The following THOC5 variants were observed in gnomAD, a reference collection of about 807,000 sequenced individuals.
THOC5 encodes Fms-interacting protein.
In THOC5, 43 loss-of-function variants were observed where a neutral mutation model predicts 92.9. The observed-to-expected ratio is 0.46, with a 90% confidence interval of 0.36 to 0.60. The LOEUF (loss-of-function observed/expected upper bound fraction) is 0.60. Ranked by LOEUF, THOC5 falls within the 20% of genes least tolerant of loss-of-function variation. The probability of loss-of-function intolerance (pLI) is 0.00; values close to 1 mark genes in which losing one functional copy is unlikely to be tolerated. For synonymous variants in THOC5, 296 were observed against 320.1 expected (o/e 0.92, Z 0.80); for missense variants, 659 against 849.4 (o/e 0.78, Z 2.79).
intron 2 of THOC5, among the ~76,000 whole-genome samples, chr22:29,546,753 C>T (rs1193072224): frequency 1.3e-5 from 2 of 151,370 alleles, no homozygotes; most frequent in Non-Finnish European, 3.0e-5. Context: ...TTTTTCTTTT[C>T]TACTGTGTCA....
chr22:29,511,541 G>A, intron 18 of THOC5: 1 of 528,044 alleles, frequency 1.9e-6, no homozygotes, highest in Non-Finnish European at 3.4e-6. Flanking sequence ...GAAAACAGAG[G>A]TGTGCAGGGA....
chr22:29,508,434 G>GA lies in THOC5; in HGVS notation c.*22dup. 6.2e-7 allele frequency: 1 copy of GA among 1,613,694 alleles called. No homozygotes were observed. Among genetic ancestry groups the GA allele is most frequent in the Non-Finnish European group, 8.5e-7 (1 of 1,179,588 alleles). ...CAGTGCTCAGGGTGAGGCCTTGGGGGAAACAACGGTCTGCGCGGGAGATCA... is the reference window on the plus strand; with the variant it reads ...CAGTGCTCAGGGTGAGGCCTTGGGGGAAAACAACGGTCTGCGCGGGAGATCA... On this transcript the variant is annotated 3_prime_UTR_variant, in exon 20 of 20. Coordinates refer to ENST00000490103, the MANE Select transcript of THOC5 (RefSeq NM_003678.5).
chr22:29,520,218 G>T (rs1358813013), intron 13 of THOC5, 114 bp from the exon 14 acceptor site: 2 of 839,996 alleles, frequency 2.4e-6, no homozygotes, highest in Non-Finnish European at 3.6e-6. Context: ...CTGCAGGTTT[G>T]GCCATGTTCA....
At position 29,520,979 on chromosome 22, in the gene THOC5, G is replaced by C. The variant is rs1349146105; in HGVS notation, c.1277+19C>G. On this transcript the variant is annotated intron_variant, in intron 13 of 19. Transcript: ENST00000490103. ...ACTCAGAAGTAGAGAGCTCGGAGAG[G>C]AGGAAACTGCTGACTCACCCAACTT... is the stretch of plus-strand genomic sequence containing the variant. 1.9e-6 allele frequency: 3 copies of C among 1,591,346 alleles called. No individual in the cohort carries two copies. Among genetic ancestry groups the C allele is most frequent in the Non-Finnish European group, 2.6e-6 (3 of 1,159,366 alleles).
chr22:29,552,075 G>A (rs1449643993), intron 1 of THOC5, among the ~76,000 whole-genome samples: 2 of 152,122 alleles, frequency 1.3e-5, no homozygotes, highest in South Asian at 2.1e-4. Context: ...ACGGAGTCTC[G>A]TTCACTCAGT....
At chr22:29,529,291 G>C (rs776569881) in intron 8 of THOC5, 52 bp from the exon 9 acceptor site, 2 of 1,593,986 alleles carry the variant, frequency 1.3e-6, no homozygotes, top group African/African-American at 2.7e-5. Flanking sequence ...AAGCTGCTAA[G>C]CAGTGTGAGT....
chr22:29,513,632 T>A (rs1175467734), intron 17 of THOC5, among the ~76,000 whole-genome samples: 1 of 151,922 alleles, frequency 6.6e-6, no homozygotes, highest in Non-Finnish European at 1.5e-5. Context: ...GAGGTTGCAG[T>A]GAGCTGAGAT....
rs1162175628 is a variant in THOC5 at position 29,506,181 on chromosome 22, A to C, written c.*2276T>G. 6.6e-6 allele frequency: 1 copy of C among 152,188 alleles called. No individual in the cohort carries two copies. Among genetic ancestry groups the C allele is most frequent in the African/African-American group, 2.4e-5 (1 of 41,464 alleles). 9.4% of individuals were successfully genotyped at this position (152,188 alleles called of 1,614,324 possible). On this transcript the variant is annotated 3_prime_UTR_variant, in exon 20 of 20. Coordinates refer to ENST00000490103, the MANE Select transcript of THOC5 (RefSeq NM_003678.5). ...CCCATCTTATTTTTTAAAATGAAGA[A>C]TGGAGTACTGATGGTGGGGTCAAGA...
chr22:29,543,887 A>C (rs2063955903), intron 3 of THOC5, among the ~76,000 whole-genome samples: 1 of 152,180 alleles, frequency 6.6e-6, no homozygotes, highest in South Asian at 2.1e-4. Context: ...TTACAGGATA[A>C]CTTAAATGGA....
chr22:29,551,408 C>G (rs2064140478), intron 1 of THOC5, among the ~76,000 whole-genome samples: 1 of 152,066 alleles, frequency 6.6e-6, no homozygotes, highest in African/African-American at 2.4e-5. Context: ...TCACTCCAGC[C>G]TGGGCAACAG....
chr22:29,543,392 AAGG>A (rs759571383), intron 4 of THOC5, 34 bp downstream of exon 4: 15 of 1,241,884 alleles, frequency 1.2e-5, no homozygotes, highest in Non-Finnish European at 1.8e-5. Context: ...GGGGAGGAGG[AAGG>A]AGGAAGGTTA....
intron 1 of THOC5, among the ~76,000 whole-genome samples, chr22:29,549,796 C>T (rs2064104865): frequency 6.6e-6 from 1 of 152,072 alleles, no homozygotes; most frequent in African/African-American, 2.4e-5. Flanking sequence ...GCTGCAACTG[C>T]ACCCTGCAAT....
intron 17 of THOC5, among the ~76,000 whole-genome samples, chr22:29,516,258 C>A (rs1233102276): frequency 1.3e-5 from 2 of 151,666 alleles, no homozygotes; most frequent in African/African-American, 2.4e-5. Context: ...AGGGAGGCCT[C>A]AACTGTATCT....
At chr22:29,514,373 G>A (rs1190251195) in intron 17 of THOC5, among the ~76,000 whole-genome samples, 1 of 143,708 alleles carries the variant, frequency 7.0e-6, no homozygotes, top group Non-Finnish European at 1.5e-5. Flanking sequence ...CTGGAGTGCA[G>A]TGGCGCCATC....
chr22:29,552,668 C>T (rs1033709662), intron 1 of THOC5, among the ~76,000 whole-genome samples: 3 of 150,344 alleles, frequency 2.0e-5, no homozygotes, highest in Admixed American at 2.0e-4. Context: ...AGGTGGGGGG[C>T]GCCTCTGCCC....
chr22:29,511,405 G>A, intron 18 of THOC5, 109 bp from the exon 19 acceptor site: 1 of 1,243,032 alleles, frequency 8.0e-7, no homozygotes, highest in Non-Finnish European at 1.1e-6. Context: ...CCTCTGCAGG[G>A]GCTGGGCCAG....
chr22:29,532,706 A>G (rs2146511759), intron 7 of THOC5, among the ~76,000 whole-genome samples: 1 of 151,448 alleles, frequency 6.6e-6, no homozygotes, highest in Admixed American at 6.6e-5. Context: ...GGCTGGGTGC[A>G]GTGGCTCATG....
At chr22:29,518,899 G>A (rs908759908) in intron 15 of THOC5, 107 bp downstream of exon 15, 2 of 790,152 alleles carry the variant, frequency 2.5e-6, no homozygotes, top group Non-Finnish European at 4.2e-6. Context: ...CAGGAATCCA[G>A]GTCTTGTATT....
At chr22:29,551,710 C>T (rs1317629686) in intron 1 of THOC5, among the ~76,000 whole-genome samples, 1 of 152,004 alleles carries the variant, frequency 6.6e-6, no homozygotes, top group African/African-American at 2.4e-5. Context: ...ATGATCGCGC[C>T]ACTGCACTCA....
Sources: allele counts gnomAD v4.1 joint callset (sites outside exome capture counted in the v4.1 genomes callset), GRCh38; gene constraint gnomAD v4.1.1; transcripts MANE v1.5; gene names NCBI Gene and HGNC (gene_info 2026-07-23, HGNC 2026-07-21).